The following AOPEP variants were observed in gnomAD, a reference collection of about 807,000 sequenced individuals.
The protein encoded by AOPEP is aminopeptidase O (putative).
Under a neutral mutation model 98.1 loss-of-function variants are expected in AOPEP, and 77 were observed. The ratio of observed to expected loss-of-function variants is 0.78; its 90% CI spans 0.65 to 0.95. The LOEUF (loss-of-function observed/expected upper bound fraction) is 0.95, where lower values mean the gene tolerates loss of function less well. Among genes scored for constraint, AOPEP ranks in the 40% least tolerant of loss-of-function variants. The probability of loss-of-function intolerance (pLI) is 0.00; values close to 1 mark genes in which losing one functional copy is unlikely to be tolerated. For missense variants in AOPEP, 1,024 were observed against 1,024.7 expected (o/e 1.00, Z 0.01); for synonymous variants, 346 against 365.3 (o/e 0.95, Z 0.60).
chr9:94,864,058 G>A (rs531392659), intron 5 of AOPEP, among the ~76,000 whole-genome samples: 2 of 152,256 alleles, frequency 1.3e-5, no homozygotes, highest in South Asian at 4.2e-4. Flanking sequence ...GGGCCAATTT[G>A]GATGAAATAA....
chr9:95,002,909 A>T (rs1174815154), intron 11 of AOPEP, among the ~76,000 whole-genome samples: 1 of 152,186 alleles, frequency 6.6e-6, no homozygotes, highest in Non-Finnish European at 1.5e-5. Flanking sequence ...CAAACGAGAC[A>T]AGAGGCAATT....
At chr9:95,131,925 T>C in the AOPEP span, among the ~76,000 whole-genome samples, 5 of 152,318 alleles carry the variant, frequency 3.3e-5, no homozygotes, top group African/African-American at 7.2e-5. Flanking sequence ...CTATCCCATA[T>C]TGAGGAGGAT....
At chr9:94,959,636 A>G (rs1385088367) in intron 9 of AOPEP, among the ~76,000 whole-genome samples, 1 of 152,244 alleles carries the variant, frequency 6.6e-6, no homozygotes, top group Non-Finnish European at 1.5e-5. Flanking sequence ...ATAAAAAATT[A>G]TAAGCAATGC....
intron 11 of AOPEP, among the ~76,000 whole-genome samples, chr9:94,981,701 C>T (rs1357666583): frequency 4.6e-5 from 7 of 152,158 alleles, no homozygotes; most frequent in Admixed American, 1.3e-4. Flanking sequence ...ACACCTTGTT[C>T]TTTGTCCCCA....
intron 5 of AOPEP, among the ~76,000 whole-genome samples, chr9:94,906,977 A>G (rs933499016): frequency 7.2e-5 from 11 of 152,278 alleles, no homozygotes; most frequent in African/African-American, 2.6e-4. Flanking sequence ...GATACTAGAA[A>G]GGAGAGGTGG....
At chr9:94,803,129 G>A (rs928315845) in intron 5 of AOPEP, among the ~76,000 whole-genome samples, 2 of 152,116 alleles carry the variant, frequency 1.3e-5, no homozygotes, top group African/African-American at 2.4e-5. Context: ...AAACCTCAAG[G>A]CTAGGAGGAG....
chr9:94,976,871 T>C (rs1010538051), intron 10 of AOPEP, among the ~76,000 whole-genome samples: 3 of 152,138 alleles, frequency 2.0e-5, no homozygotes, highest in African/African-American at 7.2e-5. Context: ...TTTGCCATGT[T>C]GCCTAGGCTG....
At chr9:95,063,926 AAAAAAT>A (rs1198438998) in intron 14 of AOPEP, among the ~76,000 whole-genome samples, 4 of 152,246 alleles carry the variant, frequency 2.6e-5, no homozygotes, top group South Asian at 2.1e-4. Flanking sequence ...TCAAAAAAAA[AAAAAAT>A]CTCAACTTAG....
chr9:94,895,054 TTG>T (rs61413921), intron 5 of AOPEP, among the ~76,000 whole-genome samples: 6 of 151,324 alleles, frequency 4.0e-5, no homozygotes, highest in African/African-American at 1.2e-4. Flanking sequence ...CTCTGTGTGT[TTG>T]TGTGTGTGTG....
At position 94,930,797 on chromosome 9, in the gene AOPEP, C is replaced by T. The variant is rs571789550; in HGVS notation, c.1661+2266C>T. 6.6e-6 allele frequency among the ~76,000 whole-genome samples: 1 copy of T among 152,086 alleles called. No homozygotes were observed. The highest frequency in any genetic ancestry group is 1.9e-4 in the East Asian group (1 of 5,160). ...GTGGACAGGAGCATGGATGGGAAGT[C>T]AGGAAGCGGGGCTGGTAACTGTAGG... On this transcript the variant is annotated intron_variant, in intron 7 of 16. Coordinates refer to ENST00000375315, the MANE Select transcript of AOPEP (RefSeq NM_001193329.3). The surrounding 1 kb of genome is among the most constrained non-coding windows in gnomAD (Gnocchi z 4.5).
chr9:94,901,976 A>G (rs963770383), intron 5 of AOPEP, among the ~76,000 whole-genome samples: 2 of 152,156 alleles, frequency 1.3e-5, no homozygotes, highest in African/African-American at 4.8e-5. Context: ...TGAATTGGGG[A>G]TCTTGTTAAA....
intron 5 of AOPEP, among the ~76,000 whole-genome samples, chr9:94,884,345 G>C (rs114161486): frequency 1.3e-5 from 2 of 152,202 alleles, no homozygotes; most frequent in Non-Finnish European, 2.9e-5. Flanking sequence ...GCTAAGGAAT[G>C]AGTTTGTACG....
chr9:94,965,095 G>A (rs2059108210), intron 9 of AOPEP, among the ~76,000 whole-genome samples: 1 of 152,176 alleles, frequency 6.6e-6, no homozygotes, highest in South Asian at 2.1e-4. Context: ...TAATTTTTAA[G>A]TAATAAAAAT....
chr9:94,985,450 A>G (rs962619913), intron 11 of AOPEP, among the ~76,000 whole-genome samples: 30 of 152,226 alleles, frequency 2.0e-4, no homozygotes, highest in African/African-American at 7.2e-4. Context: ...CTTTTAGCAC[A>G]GAGAAATCCA....
chr9:94,735,191 A>G (rs1831442118), intron 1 of AOPEP, among the ~76,000 whole-genome samples: 1 of 152,152 alleles, frequency 6.6e-6, no homozygotes, highest in Non-Finnish European at 1.5e-5. Context: ...AATGTAGATT[A>G]TTGGCTGCTA....
chr9:94,834,594 A>C (rs531679007), intron 5 of AOPEP, among the ~76,000 whole-genome samples: 3 of 152,204 alleles, frequency 2.0e-5, no homozygotes, highest in Non-Finnish European at 4.4e-5. Context: ...GTAGTTCCAG[A>C]TCATTGTGGG....
the AOPEP span, among the ~76,000 whole-genome samples, chr9:95,111,872 C>A: frequency 6.6e-6 from 1 of 152,142 alleles, no homozygotes; most frequent in East Asian, 1.9e-4. Context: ...GGCCTTTGGA[C>A]ATCGGAGTCT....
chr9:95,016,500 C>T (rs1182917716), intron 13 of AOPEP, among the ~76,000 whole-genome samples: 1 of 152,042 alleles, frequency 6.6e-6, no homozygotes, highest in Non-Finnish European at 1.5e-5. Flanking sequence ...ACTTTGGCCT[C>T]CCAAAGTGCT....
intron 13 of AOPEP, among the ~76,000 whole-genome samples, chr9:95,025,197 G>T (rs2063748916): frequency 1.3e-5 from 2 of 152,186 alleles, no homozygotes. Flanking sequence ...TCTTATGGCT[G>T]GGGCAGTCTT....
Sources: allele counts gnomAD v4.1 joint callset (sites outside exome capture counted in the v4.1 genomes callset), GRCh38; gene constraint gnomAD v4.1.1; non-coding constraint Gnocchi (gnomAD v3.1); transcripts MANE v1.5; gene names NCBI Gene and HGNC (gene_info 2026-07-23, HGNC 2026-07-21).